NXN: variants seen among roughly 807,000 people sequenced by gnomAD.
The protein encoded by NXN is nucleoredoxin.
NXN carries 16 observed loss-of-function variants against 48.6 expected under a neutral mutation model. That is an observed-to-expected ratio of 0.33 (90% CI 0.22 to 0.50). NXN has a LOEUF of 0.50. Ranked by LOEUF, NXN falls within the 20% of genes least tolerant of loss-of-function variation. NXN has a pLI of 0.98. For missense variants in NXN, 492 were observed against 605.5 expected, an observed-to-expected ratio of 0.81 and a Z score of 1.97; for synonymous variants, 281 against 269.6, an observed-to-expected ratio of 1.04 and a Z score of -0.41.
Position 882,823 on chromosome 17 carries a change from C to T in NXN, c.361-56745G>A, listed in dbSNP as rs542926166. The stretch of plus-strand genomic sequence containing the variant: ...TGTCGCCCAGGCTGGAGTGCAGTGG[C>T]GCGATCTTGGCTTGCTGCAACCTCT... On this transcript the variant is annotated intron_variant, in intron 1 of 7. Coordinates refer to ENST00000336868, the MANE Select transcript of NXN (RefSeq NM_022463.5). Among the ~76,000 whole-genome samples, 117 of 152,214 alleles carry T rather than the reference C, an allele frequency of 7.7e-4. No individual in the cohort carries two copies. The Middle Eastern group carries it at 0.024, about 31-fold the overall frequency.
rs1200229541 is a variant in NXN at position 979,758 on chromosome 17, G to T, written c.-80C>A. 7.6e-6 allele frequency: 9 copies of T among 1,181,528 alleles called. No homozygotes were observed. Among genetic ancestry groups the T allele is most frequent in the Non-Finnish European group, 9.6e-6 (9 of 934,150 alleles). The allele number at this position is 1,181,528 out of a possible 1,614,324, so 73.2% of individuals were successfully genotyped here. ...GGCGGGAGGAGGCGGCGGCGTCGGC[G>T]GCAGGCGCTGGGGAGAGCAGAGCCC... is the stretch of plus-strand genomic sequence containing the variant. On this transcript the variant is annotated 5_prime_UTR_variant, in exon 1 of 8. Coordinates refer to ENST00000336868, the MANE Select transcript of NXN (RefSeq NM_022463.5).
intron 1 of NXN, among the ~76,000 whole-genome samples, chr17:931,923 C>A (rs1231222688): frequency 1.4e-5 from 2 of 147,808 alleles, no homozygotes. Context: ...GCGGGGGGAT[C>A]ACTCGAGGCC....
At chr17:838,363 C>T (rs541678311) in intron 1 of NXN, among the ~76,000 whole-genome samples, 1 of 152,182 alleles carries the variant, frequency 6.6e-6, no homozygotes, top group South Asian at 2.1e-4. Flanking sequence ...AACTCCTGAC[C>T]TCAGGTGATC....
intron 1 of NXN, among the ~76,000 whole-genome samples, chr17:965,144 C>A (rs990760029): frequency 1.2e-4 from 19 of 152,222 alleles, no homozygotes; most frequent in Admixed American, 1.2e-3. Context: ...TGTACCCACA[C>A]TCCACACATG....
chr17:972,157 G>A (rs763462916), intron 1 of NXN, among the ~76,000 whole-genome samples: 52 of 152,026 alleles, frequency 3.4e-4, no homozygotes, highest in African/African-American at 7.5e-4. Context: ...AAAATTAGCC[G>A]GGCGTGGTGG....
At chr17:900,077 C>A (rs527732499) in intron 1 of NXN, among the ~76,000 whole-genome samples, 5 of 152,166 alleles carry the variant, frequency 3.3e-5, no homozygotes, top group Admixed American at 2.6e-4. Context: ...ACCAACCTGA[C>A]CAACATGGAG....
In NXN at chr17:924,650, A is replaced by G. The variant is rs144307392; in HGVS notation, c.360+54669T>C. Among the ~76,000 whole-genome samples the G allele has an allele frequency of 5.3e-3, 810 of 152,250 alleles. 9 individuals carry two copies. The highest frequency in any genetic ancestry group is 0.049 in the East Asian group (255 of 5,184). On this transcript the variant is annotated intron_variant, in intron 1 of 7. Transcript: ENST00000336868. Reference sequence around the variant, plus strand: ...GTGCATCTCCTGTTCTGCTACCATCACCACCATCTGTCTCCAGAACTTTCC... The same window carrying G: ...GTGCATCTCCTGTTCTGCTACCATCGCCACCATCTGTCTCCAGAACTTTCC...
chr17:801,921 G>C (rs1159269288), intron 7 of NXN, among the ~76,000 whole-genome samples: 1 of 152,208 alleles, frequency 6.6e-6, no homozygotes, highest in African/African-American at 2.4e-5. Flanking sequence ...GAGCTGCACA[G>C]CCAGCCAGTT....
chr17:842,090 C>G (rs1247395026), intron 1 of NXN, among the ~76,000 whole-genome samples: 2 of 152,072 alleles, frequency 1.3e-5, no homozygotes, highest in Non-Finnish European at 2.9e-5. Context: ...GAGCTGAGAT[C>G]CCGCCATTGC....
chr17:804,967 G>A (rs1911404653), intron 6 of NXN, 101 bp downstream of exon 6: 10 of 1,287,174 alleles, frequency 7.8e-6, no homozygotes, highest in Non-Finnish European at 1.1e-5. Flanking sequence ...TTGCACTGCT[G>A]GTGACAGAGA....
At chr17:975,185 G>A (rs1267313439) in intron 1 of NXN, among the ~76,000 whole-genome samples, 1 of 152,116 alleles carries the variant, frequency 6.6e-6, no homozygotes, top group Non-Finnish European at 1.5e-5. Flanking sequence ...TAGAAACACA[G>A]TCACCAGTGG....
chr17:931,705 G>A (rs1021379806), intron 1 of NXN, among the ~76,000 whole-genome samples: 3 of 150,978 alleles, frequency 2.0e-5, no homozygotes, highest in Admixed American at 6.6e-5. Context: ...CGTGGTGGCA[G>A]GCGCCTGTAG....
At chr17:965,454 C>T (rs1204536336) in intron 1 of NXN, among the ~76,000 whole-genome samples, 1 of 152,202 alleles carries the variant, frequency 6.6e-6, no homozygotes, top group African/African-American at 2.4e-5. Flanking sequence ...TCCTTGAAAA[C>T]TATCAATAGG....
At chr17:925,077 C>CT (rs1188348194) in intron 1 of NXN, among the ~76,000 whole-genome samples, 1 of 152,226 alleles carries the variant, frequency 6.6e-6, no homozygotes, top group Non-Finnish European at 1.5e-5. Flanking sequence ...CTCTGCATCT[C>CT]TTGTTCAAAG....
At position 964,612 on chromosome 17, in the gene NXN, C is replaced by T. The variant is rs566051825; in HGVS notation, c.360+14707G>A. Reference sequence around the variant, plus strand: ...TGTCTGAAGGCATTTACTTCCAATTCACCCTCACGCCTACATCTGAAATGT... The same window carrying T: ...TGTCTGAAGGCATTTACTTCCAATTTACCCTCACGCCTACATCTGAAATGT... On this transcript the variant is annotated intron_variant, in intron 1 of 7. Coordinates refer to ENST00000336868, the MANE Select transcript of NXN (RefSeq NM_022463.5). 3.9e-5 allele frequency among the ~76,000 whole-genome samples: 6 copies of T among 152,340 alleles called. No individual in the cohort carries two copies. In the South Asian group the frequency reaches 1.2e-3, roughly 32 times the overall value.
At position 920,097 on chromosome 17, in the gene NXN, G is replaced by A. The variant is rs1361456928; in HGVS notation, c.360+59222C>T. Among the ~76,000 whole-genome samples the A allele has an allele frequency of 2.0e-5, 3 of 152,030 alleles. No individual in the cohort carries two copies. The highest frequency in any genetic ancestry group is 2.9e-5 in the Non-Finnish European group (2 of 68,006). ...GTATTTTTGGTGGAGACAAGGTTTCGCCATGTTGCCCAGGCTGGTCTTGAA... is the reference window on the plus strand; with the variant it reads ...GTATTTTTGGTGGAGACAAGGTTTCACCATGTTGCCCAGGCTGGTCTTGAA... On this transcript the variant is annotated intron_variant, in intron 1 of 7. Coordinates refer to ENST00000336868, the MANE Select transcript of NXN (RefSeq NM_022463.5). This position sits in a 1 kb window ranked among gnomAD's most constrained non-coding sequence, Gnocchi z 4.6.
chr17:957,573 A>C (rs889356274), intron 1 of NXN, among the ~76,000 whole-genome samples: 10 of 151,446 alleles, frequency 6.6e-5, no homozygotes, highest in Admixed American at 2.6e-4. Context: ...TGTAGGTTGC[A>C]GTGAGCCAAG....
At chr17:928,323 T>A (rs190440707) in intron 1 of NXN, among the ~76,000 whole-genome samples, 7 of 152,266 alleles carry the variant, frequency 4.6e-5, no homozygotes, top group Non-Finnish European at 7.3e-5. Flanking sequence ...CACATCTGAC[T>A]TCATCAGAAA....
chr17:813,957 G>A (rs1048983874), intron 5 of NXN, among the ~76,000 whole-genome samples: 12 of 137,340 alleles, frequency 8.7e-5, no homozygotes, highest in African/African-American at 3.3e-4. Flanking sequence ...AACAGAGCAA[G>A]ACTCTGTCTA....
Sources: allele counts gnomAD v4.1 joint callset (sites outside exome capture counted in the v4.1 genomes callset), GRCh38; gene constraint gnomAD v4.1.1; non-coding constraint Gnocchi (gnomAD v3.1); transcripts MANE v1.5; gene names NCBI Gene and HGNC (gene_info 2026-07-23, HGNC 2026-07-21).